Variants in FAM185A observed in about 807,000 individuals in gnomAD.
FAM185A encodes the protein protein FAM185A.
Under a neutral mutation model 45.7 loss-of-function variants are expected in FAM185A, and 21 were observed. The ratio of observed to expected loss-of-function variants is 0.46; its 90% CI spans 0.33 to 0.66. FAM185A has a LOEUF of 0.66. Among genes scored for constraint, FAM185A ranks in the 30% least tolerant of loss-of-function variants. FAM185A has a pLI of 0.03. For synonymous variants in FAM185A, 117 were observed against 194.0 expected (o/e 0.60, Z 3.30); for missense variants, 305 against 485.4 (o/e 0.63, Z 3.49).
In FAM185A at chr7:102,749,649, C is replaced by A; in HGVS notation, c.442C>A (p.Leu148Met). 6.8e-7 allele frequency: 1 copy of A among 1,472,606 alleles called. No homozygotes were observed. 91.2% of individuals were successfully genotyped at this position (1,472,606 alleles called of 1,614,324 possible). The change falls in exon 1 of 8, where the codon CTG (leucine) becomes ATG (methionine). Residue 148 changes from leucine to methionine, a missense_variant. Physicochemically the swap from Leu to Met is conservative, Grantham distance 15. This residue lies in a region of FAM185A where 174 missense variants were observed against 247.1 expected (regional missense o/e 0.70). Transcript: ENST00000413034. ...GGCGTCCGTGGAGGTGAACGCGCCC[C>A]TGAAGTTTGGCAAGTGAAGTGAAGT... ...PQASVEVNAP[L>M]KFGLDIKSSG...
the FAM185A span, among the ~76,000 whole-genome samples, chr7:102,844,060 AAC>A: frequency 2.0e-5 from 3 of 152,194 alleles, no homozygotes; most frequent in Non-Finnish European, 4.4e-5. Flanking sequence ...CCAGGCAGAA[AAC>A]ACAAGAGAGC....
At chr7:102,751,951 G>T in intron 2 of FAM185A, 150 bp downstream of exon 2, 1 of 415,258 alleles carries the variant, frequency 2.4e-6, no homozygotes, top group Non-Finnish European at 4.4e-6. Context: ...ATTTTGCCTT[G>T]AAATCAGTTC....
At chr7:102,782,956 T>G (rs1265889190) in intron 6 of FAM185A, among the ~76,000 whole-genome samples, 1 of 150,728 alleles carries the variant, frequency 6.6e-6, no homozygotes, top group Non-Finnish European at 1.5e-5. Flanking sequence ...TGGAGGAAGA[T>G]CTACCAAGCA....
chr7:102,807,726 A>G (rs1797205809), intron 7 of FAM185A, among the ~76,000 whole-genome samples: 2 of 150,994 alleles, frequency 1.3e-5, no homozygotes, highest in Admixed American at 1.3e-4. Flanking sequence ...TGCCTGACCA[A>G]CATGGTGAAA....
chr7:102,762,850 T>G (rs1345837638), intron 4 of FAM185A, among the ~76,000 whole-genome samples: 4 of 142,818 alleles, frequency 2.8e-5, no homozygotes, highest in African/African-American at 1.0e-4. Context: ...TTCATTTATT[T>G]ATTTTTTATT....
intron 4 of FAM185A, among the ~76,000 whole-genome samples, chr7:102,762,247 T>C (rs1794155342): frequency 6.6e-6 from 1 of 152,174 alleles, no homozygotes. Flanking sequence ...CTAAATCCTG[T>C]CTCTGCAAGA....
At chr7:102,810,886 C>T (rs1017968652), downstream of FAM185A, among the ~76,000 whole-genome samples, 1 of 152,146 alleles carries the variant, frequency 6.6e-6, no homozygotes, top group African/African-American at 2.4e-5. Flanking sequence ...TGCCCAGCCT[C>T]CTTTTCATTA....
the FAM185A span, among the ~76,000 whole-genome samples, chr7:102,818,125 G>T: frequency 1.3e-5 from 2 of 152,196 alleles, no homozygotes; most frequent in East Asian, 3.8e-4. Flanking sequence ...GCAAAAAAAG[G>T]GAATGTTGGA....
At chr7:102,761,545 A>T (rs1794105725) in intron 4 of FAM185A, 134 bp downstream of exon 4, 1 of 676,028 alleles carries the variant, frequency 1.5e-6, no homozygotes, top group Non-Finnish European at 2.2e-6. Flanking sequence ...ATCTTTTTAA[A>T]AAAAAAAACC....
intron 6 of FAM185A, among the ~76,000 whole-genome samples, chr7:102,782,794 A>G (rs1471851535): frequency 6.6e-6 from 1 of 152,142 alleles, no homozygotes; most frequent in Non-Finnish European, 1.5e-5. Context: ...AAATTCACAC[A>G]TAACAATATT....
the FAM185A span, among the ~76,000 whole-genome samples, chr7:102,843,166 G>T: frequency 6.6e-6 from 1 of 152,178 alleles, no homozygotes; most frequent in Admixed American, 6.5e-5. Context: ...GTGGTAGGCC[G>T]GGCATGGTGG....
the FAM185A span, among the ~76,000 whole-genome samples, chr7:102,841,507 G>T: frequency 6.6e-6 from 1 of 152,190 alleles, no homozygotes; most frequent in Non-Finnish European, 1.5e-5. Flanking sequence ...GGTGTGGGGT[G>T]TTCTCAGCTT....
At chr7:102,788,668 T>C (rs1407686075) in intron 7 of FAM185A, among the ~76,000 whole-genome samples, 4 of 152,228 alleles carry the variant, frequency 2.6e-5, no homozygotes, top group Admixed American at 2.6e-4. Context: ...CATCACTTAA[T>C]GACAGAGATA....
chr7:102,772,159 G>GA (rs1345055779), intron 4 of FAM185A, among the ~76,000 whole-genome samples: 1 of 140,616 alleles, frequency 7.1e-6, no homozygotes, highest in African/African-American at 2.7e-5. Context: ...CTCTGTGCCA[G>GA]CAGTTATGGT....
intron 2 of FAM185A, among the ~76,000 whole-genome samples, chr7:102,753,490 C>T (rs1793500422): frequency 6.6e-6 from 1 of 151,980 alleles, no homozygotes; most frequent in Non-Finnish European, 1.5e-5. Flanking sequence ...CTGTCTTGTG[C>T]AGTATAGGAT....
chr7:102,844,572 T>TA, the FAM185A span, among the ~76,000 whole-genome samples: 12 of 152,124 alleles, frequency 7.9e-5, no homozygotes, highest in East Asian at 1.2e-3. Flanking sequence ...CATGCCATAT[T>TA]AAAAAAACTG....
At chr7:102,842,456 G>A in the FAM185A span, among the ~76,000 whole-genome samples, 1 of 152,220 alleles carries the variant, frequency 6.6e-6, no homozygotes, top group Admixed American at 6.5e-5. Context: ...ATCAACTTTG[G>A]TTGAGCACCA....
At chr7:102,810,896 A>C (rs552686678), downstream of FAM185A, among the ~76,000 whole-genome samples, 1 of 152,282 alleles carries the variant, frequency 6.6e-6, no homozygotes, top group Admixed American at 6.5e-5. Flanking sequence ...CCTTTTCATT[A>C]ATTTTCCATT....
intron 7 of FAM185A, 80 bp from the exon 8 acceptor site, chr7:102,808,210 T>G (rs566271325): frequency 1.1e-6 from 1 of 928,984 alleles, no homozygotes; most frequent in Admixed American, 2.2e-5. Flanking sequence ...AAGGTGTTTT[T>G]CAGTTTCAGA....
Sources: allele counts gnomAD v4.1 joint callset (sites outside exome capture counted in the v4.1 genomes callset), GRCh38; gene constraint gnomAD v4.1.1; regional missense constraint gnomAD v4.1.1; transcripts MANE v1.5; gene names NCBI Gene and HGNC (gene_info 2026-07-23, HGNC 2026-07-21).